BCAS4: variants seen among roughly 807,000 people sequenced by gnomAD.
The protein encoded by BCAS4 is breast carcinoma-amplified sequence 4.
Under a neutral mutation model 15.7 loss-of-function variants are expected in BCAS4, and 9 were observed. The ratio of observed to expected loss-of-function variants is 0.57; its 90% CI spans 0.34 to 1.00. BCAS4 has a LOEUF of 1.00. Among genes scored for constraint, BCAS4 ranks in the 50% least tolerant of loss-of-function variants. The pLI, the probability that BCAS4 is intolerant of heterozygous loss-of-function variation, is 0.02. For synonymous variants in BCAS4, 101 were observed against 99.5 expected, an observed-to-expected ratio of 1.02 and a Z score of -0.09; for missense variants, 225 against 239.1, an observed-to-expected ratio of 0.94 and a Z score of 0.39.
intron 1 of BCAS4, among the ~76,000 whole-genome samples, chr20:50,799,916 A>G (rs778816357): frequency 6.6e-6 from 1 of 152,106 alleles, no homozygotes; most frequent in African/African-American, 2.4e-5. Flanking sequence ...GCGTGGTGGT[A>G]TGTGCCCCTG....
intron 2 of BCAS4, among the ~76,000 whole-genome samples, chr20:50,827,798 C>T (rs13036755): frequency 0.047 from 7,104 of 152,314 alleles, 223 homozygotes; most frequent in Non-Finnish European, 0.072. Context: ...GCCATCTTGG[C>T]TCACTGCAAC....
At chr20:50,824,252 G>T (rs1179023859) in intron 2 of BCAS4, among the ~76,000 whole-genome samples, 2 of 152,234 alleles carry the variant, frequency 1.3e-5, no homozygotes, top group African/African-American at 4.8e-5. Flanking sequence ...TCACATAAAT[G>T]GAGAACATTT....
At chr20:50,872,820 G>C (rs1979724719) in intron 4 of BCAS4, among the ~76,000 whole-genome samples, 1 of 152,240 alleles carries the variant, frequency 6.6e-6, no homozygotes, top group Admixed American at 6.5e-5. Flanking sequence ...CAAGGTGTCA[G>C]GCTTGGGCCT....
At chr20:50,803,027 A>C (rs1182659493) in intron 1 of BCAS4, among the ~76,000 whole-genome samples, 1 of 152,202 alleles carries the variant, frequency 6.6e-6, no homozygotes, top group Non-Finnish European at 1.5e-5. Flanking sequence ...CAAAAAATAC[A>C]AAAATTAGCC....
intron 2 of BCAS4, among the ~76,000 whole-genome samples, chr20:50,827,500 A>G (rs1232759952): frequency 3.9e-5 from 6 of 152,210 alleles, no homozygotes; most frequent in African/African-American, 1.4e-4. Flanking sequence ...AGGTTTGTGC[A>G]CATTTACTTT....
chr20:50,808,568 T>C (rs1021082133), intron 1 of BCAS4, among the ~76,000 whole-genome samples: 1 of 152,236 alleles, frequency 6.6e-6, no homozygotes, highest in African/African-American at 2.4e-5. Context: ...AGTAAGGTGG[T>C]ATCGCATTGT....
chr20:50,866,891 C>T (rs949276669), intron 4 of BCAS4, among the ~76,000 whole-genome samples: 6 of 152,176 alleles, frequency 3.9e-5, no homozygotes, highest in Admixed American at 6.5e-5. Context: ...CTCTCTCAGC[C>T]GCTGTGAGGA....
At chr20:50,812,339 T>C (rs1259509391) in intron 1 of BCAS4, among the ~76,000 whole-genome samples, 1 of 152,034 alleles carries the variant, frequency 6.6e-6, no homozygotes, top group Non-Finnish European at 1.5e-5. Context: ...TTCACCGTGT[T>C]AGCCAGGATG....
intron 1 of BCAS4, among the ~76,000 whole-genome samples, chr20:50,813,800 A>G (rs1258163690): frequency 7.0e-6 from 1 of 142,910 alleles, no homozygotes; most frequent in Non-Finnish European, 1.5e-5. Flanking sequence ...GGGATGTGGG[A>G]AAAAAAAGTG....
At chr20:50,822,006 C>T (rs189630207) in intron 2 of BCAS4, among the ~76,000 whole-genome samples, 3 of 152,238 alleles carry the variant, frequency 2.0e-5, no homozygotes, top group Non-Finnish European at 4.4e-5. Context: ...TCAAACTACC[C>T]GAAAATTTGG....
At chr20:50,808,113 C>T (rs913747507) in intron 1 of BCAS4, among the ~76,000 whole-genome samples, 14 of 152,038 alleles carry the variant, frequency 9.2e-5, no homozygotes, top group Non-Finnish European at 1.8e-4. Flanking sequence ...GGGGTTTCAC[C>T]ATGTTAGCCA....
chr20:50,857,276 CAT>C (rs1231710794), intron 4 of BCAS4, among the ~76,000 whole-genome samples: 4 of 152,200 alleles, frequency 2.6e-5, no homozygotes, highest in African/African-American at 4.8e-5. Flanking sequence ...GGATTACAGG[CAT>C]GCGCCACCAC....
intron 2 of BCAS4, among the ~76,000 whole-genome samples, chr20:50,827,166 A>G (rs1489578368): frequency 6.6e-6 from 1 of 152,210 alleles, no homozygotes; most frequent in Non-Finnish European, 1.5e-5. Flanking sequence ...CGAGGTTGTC[A>G]CATCTCCTTA....
At chr20:50,874,428 C>T (rs565575442) in intron 4 of BCAS4, among the ~76,000 whole-genome samples, 1 of 152,334 alleles carries the variant, frequency 6.6e-6, no homozygotes, top group South Asian at 2.1e-4. Context: ...ACTCCCCCAA[C>T]CCTCTAGGAT....
chr20:50,839,356 A>G (rs1319085316), intron 3 of BCAS4, among the ~76,000 whole-genome samples: 2 of 152,260 alleles, frequency 1.3e-5, no homozygotes, highest in Non-Finnish European at 1.5e-5. Context: ...CTGGGCCTGA[A>G]CAGTATTTTT....
At chr20:50,855,443 C>A (rs1176655459) in intron 4 of BCAS4, among the ~76,000 whole-genome samples, 2 of 152,142 alleles carry the variant, frequency 1.3e-5, no homozygotes, top group African/African-American at 2.4e-5. Flanking sequence ...TGTGTGTCAC[C>A]TACACAATCA....
chr20:50,810,302 T>A (rs1224690952), intron 1 of BCAS4, among the ~76,000 whole-genome samples: 2 of 151,894 alleles, frequency 1.3e-5, no homozygotes, highest in Non-Finnish European at 2.9e-5. Flanking sequence ...ATCCTATTGG[T>A]CTAAGCAAGT....
At chr20:50,815,899 G>C (rs6096115) in intron 1 of BCAS4, among the ~76,000 whole-genome samples, 1 of 152,312 alleles carries the variant, frequency 6.6e-6, no homozygotes, top group African/African-American at 2.4e-5. Context: ...TGGCCTGGTA[G>C]GGAAAGCAGA....
chr20:50,818,067 C>A (rs2088162266), intron 1 of BCAS4, 144 bp from the exon 2 acceptor site: 2 of 723,508 alleles, frequency 2.8e-6, no homozygotes, highest in East Asian at 5.4e-5. Flanking sequence ...ATTGCTCTTT[C>A]AAAGGAGGCA....
Sources: gnomAD v4.1 joint callset for allele counts (sites outside exome capture counted in the v4.1 genomes callset) on GRCh38, gnomAD v4.1.1 for gene constraint, MANE v1.5 for transcripts, NCBI Gene and HGNC (gene_info 2026-07-23, HGNC 2026-07-21) for gene names.